The following RBMS3 variants were observed in gnomAD, a reference collection of about 807,000 sequenced individuals.
The protein encoded by RBMS3 is RNA-binding motif, single-stranded-interacting protein 3.
In RBMS3, 27 loss-of-function variants were observed where a neutral mutation model predicts 66.8. That is an observed-to-expected ratio of 0.40 (90% CI 0.30 to 0.56). The LOEUF (loss-of-function observed/expected upper bound fraction) is 0.56, where lower values mean the gene tolerates loss of function less well. Among genes scored for constraint, RBMS3 ranks in the 20% least tolerant of loss-of-function variants. The pLI is 0.40. For synonymous variants in RBMS3, 188 were observed against 183.0 expected (o/e 1.03, Z -0.22); for missense variants, 513 against 549.5 (o/e 0.93, Z 0.66).
chr3:29,956,562 TTTACTC>T (rs776836608), intron 12 of RBMS3, among the ~76,000 whole-genome samples: 36 of 152,226 alleles, frequency 2.4e-4, no homozygotes, highest in Non-Finnish European at 4.4e-4. Flanking sequence ...AATGTTGGCT[TTTACTC>T]TTAATAAATG....
chr3:29,612,139 C>T (rs1021139612), intron 4 of RBMS3, among the ~76,000 whole-genome samples: 5 of 151,832 alleles, frequency 3.3e-5, no homozygotes, highest in Admixed American at 1.3e-4. Context: ...AAGAAGTATT[C>T]GACCAAAGTT....
At chr3:29,680,116 A>G (rs1362207747) in intron 4 of RBMS3, among the ~76,000 whole-genome samples, 1 of 152,196 alleles carries the variant, frequency 6.6e-6, no homozygotes, top group Non-Finnish European at 1.5e-5. Flanking sequence ...CACAGTATCC[A>G]TCATTTAGAC....
At chr3:29,856,272 GTTATT>G (rs928873866) in intron 6 of RBMS3, among the ~76,000 whole-genome samples, 1 of 152,122 alleles carries the variant, frequency 6.6e-6, no homozygotes, top group Non-Finnish European at 1.5e-5. Context: ...TTAATAATAA[GTTATT>G]TTATGGGAAT....
intron 1 of RBMS3, among the ~76,000 whole-genome samples, chr3:29,316,594 C>G (rs2034691454): frequency 6.6e-6 from 1 of 151,344 alleles, no homozygotes; most frequent in African/African-American, 2.4e-5. Flanking sequence ...TTAGTGATAC[C>G]TAAACAAATG....
intron 1 of RBMS3, among the ~76,000 whole-genome samples, chr3:29,420,794 G>A (rs182503240): frequency 8.3e-4 from 127 of 152,176 alleles, no homozygotes; most frequent in Non-Finnish European, 1.6e-3. Context: ...CTATGTTATA[G>A]TGATTGTACT....
At chr3:29,822,693 G>A (rs1008110322) in intron 6 of RBMS3, among the ~76,000 whole-genome samples, 2 of 152,130 alleles carry the variant, frequency 1.3e-5, no homozygotes, top group Non-Finnish European at 2.9e-5. Flanking sequence ...TAGAGAGAGT[G>A]CATGGAGATG....
chr3:29,631,708 A>G (rs982541170), intron 4 of RBMS3, among the ~76,000 whole-genome samples: 3 of 151,844 alleles, frequency 2.0e-5, no homozygotes, highest in East Asian at 1.9e-4. Flanking sequence ...TAGTTTAAGC[A>G]TGTTTTTTTC....
In RBMS3 at chr3:29,587,222, G is replaced by A. The variant is rs142835049; in HGVS notation, c.399+17G>A. On this transcript the variant is annotated intron_variant, in intron 4 of 14. Coordinates refer to ENST00000383767, the MANE Select transcript of RBMS3 (RefSeq NM_001003793.3). ...ATGGCTAAGGTAAGATTGATGTTTA[G>A]GGGTGTTTTTTTTTTTTTTTTTTTT... The A allele has an allele frequency of 5.0e-4, 390 of 781,096 alleles. 1 individual carries two copies. The African/African-American group carries it at 8.8e-3, about 18-fold the overall frequency. The allele number at this position is 781,096 out of a possible 1,614,324, so 48.4% of individuals were successfully genotyped here.
At chr3:29,698,469 T>C (rs2052380031) in intron 4 of RBMS3, 42 of 985,374 alleles carry the variant, frequency 4.3e-5, no homozygotes, top group Non-Finnish European at 5.1e-5. Context: ...TTTGGAGGAA[T>C]CTTGACTTCT....
At chr3:29,413,372 T>TCATACATACATA (rs10530714) in intron 1 of RBMS3, among the ~76,000 whole-genome samples, 32 of 109,950 alleles carry the variant, frequency 2.9e-4, no homozygotes, top group South Asian at 6.5e-4. Flanking sequence ...TCCATCTCAT[T>TCATACATACATA]CATACATACA....
At chr3:29,688,822 C>A (rs2051852102) in intron 4 of RBMS3, among the ~76,000 whole-genome samples, 2 of 151,894 alleles carry the variant, frequency 1.3e-5, no homozygotes, top group African/African-American at 4.8e-5. Context: ...ACCTCGTGAT[C>A]CACTCACCTC....
intron 3 of RBMS3, among the ~76,000 whole-genome samples, chr3:29,507,964 G>A (rs539111813): frequency 2.0e-5 from 3 of 152,054 alleles, no homozygotes; most frequent in South Asian, 2.1e-4. Context: ...ATACTGAGAT[G>A]CAAGAAAAAC....
At chr3:29,647,791 T>C (rs1266116) in intron 4 of RBMS3, among the ~76,000 whole-genome samples, 15,900 of 152,232 alleles carry the variant, frequency 0.1, 1,014 homozygotes, top group South Asian at 0.15. Flanking sequence ...TGTGTGATAG[T>C]CACACACATT....
chr3:29,603,757 T>C (rs1196282803), intron 4 of RBMS3, among the ~76,000 whole-genome samples: 2 of 152,084 alleles, frequency 1.3e-5, no homozygotes, highest in Admixed American at 1.3e-4. Context: ...TGCAGATAAG[T>C]AAGTAGGTAA....
intron 3 of RBMS3, among the ~76,000 whole-genome samples, chr3:29,575,188 T>TA (rs2047076886): frequency 6.6e-6 from 1 of 152,190 alleles, no homozygotes; most frequent in Non-Finnish European, 1.5e-5. Context: ...CTGGTGTTGA[T>TA]AAAATCCATC....
At chr3:29,714,446 A>C (rs1247110709) in intron 4 of RBMS3, among the ~76,000 whole-genome samples, 1 of 152,180 alleles carries the variant, frequency 6.6e-6, no homozygotes, top group Admixed American at 6.6e-5. Flanking sequence ...GAGACATCCA[A>C]GTGGAAATGT....
intron 4 of RBMS3, among the ~76,000 whole-genome samples, chr3:29,674,856 C>T (rs1218018361): frequency 3.3e-5 from 5 of 151,960 alleles, no homozygotes; most frequent in Admixed American, 2.0e-4. Flanking sequence ...TAAATGCCAT[C>T]CCCATCAAGC....
At chr3:29,646,368 G>A (rs1463282006) in intron 4 of RBMS3, among the ~76,000 whole-genome samples, 1 of 152,144 alleles carries the variant, frequency 6.6e-6, no homozygotes, top group Admixed American at 6.5e-5. Flanking sequence ...ACTAGAAACA[G>A]CAAAGTCAAT....
intron 10 of RBMS3, among the ~76,000 whole-genome samples, chr3:29,914,876 C>T (rs1486846558): frequency 6.6e-6 from 1 of 151,518 alleles, no homozygotes. Context: ...TTTCAGGAAA[C>T]TTTTTTTTAT....
Sources: allele counts gnomAD v4.1 joint callset (sites outside exome capture counted in the v4.1 genomes callset), GRCh38; gene constraint gnomAD v4.1.1; transcripts MANE v1.5; gene names NCBI Gene and HGNC (gene_info 2026-07-23, HGNC 2026-07-21).